The following CDH12 variants were observed in gnomAD, a reference collection of about 807,000 sequenced individuals.
CDH12 encodes the protein cadherin 12.
In CDH12, 41 loss-of-function variants were observed where a neutral mutation model predicts 74.1. The observed-to-expected ratio is 0.55, with a 90% CI of 0.43 to 0.72. The LOEUF (loss-of-function observed/expected upper bound fraction) is 0.72, where lower values mean the gene tolerates loss of function less well. Among genes scored for constraint, CDH12 ranks in the 30% least tolerant of loss-of-function variants. The pLI is 0.00. For synonymous variants in CDH12, 399 were observed against 355.0 expected (o/e 1.12, Z -1.39); for missense variants, 945 against 977.2 (o/e 0.97, Z 0.44).
At chr5:21,908,023 A>G (rs1462330210) in intron 6 of CDH12, among the ~76,000 whole-genome samples, 4 of 152,188 alleles carry the variant, frequency 2.6e-5, no homozygotes, top group Non-Finnish European at 5.9e-5. Context: ...TGACCTGTTG[A>G]GAAAATGGAC....
intron 4 of CDH12, among the ~76,000 whole-genome samples, chr5:22,114,754 T>C (rs1272046082): frequency 6.6e-6 from 1 of 152,214 alleles, no homozygotes; most frequent in Non-Finnish European, 1.5e-5. Flanking sequence ...TTATGTCAGA[T>C]AGTTTCTTCC....
chr5:21,800,262 A>T (rs1561195249), intron 10 of CDH12, among the ~76,000 whole-genome samples: 1 of 152,150 alleles, frequency 6.6e-6, no homozygotes, highest in Non-Finnish European at 1.5e-5. Context: ...TTTAATTAAT[A>T]TTAGAAGAAG....
rs377016972 is a variant in CDH12, at chr5:22,343,323, C to CAGAGAGAGAGAGAGAG, written c.-333+61918_-333+61933dup. On this transcript the variant is annotated intron_variant, in intron 3 of 14. Transcript: ENST00000382254. ...ACACACACACACACAGACACACACA[C>CAGAGAGAGAGAGAGAG]AGAGAGAGAGAGAGAGAGAGAGAGA... 1.3e-3 allele frequency among the ~76,000 whole-genome samples: 173 copies of CAGAGAGAGAGAGAGAG among 136,346 alleles called. 3 individuals are homozygous for CAGAGAGAGAGAGAGAG. Among genetic ancestry groups the CAGAGAGAGAGAGAGAG allele is most frequent in the African/African-American group, 4.8e-3 (165 of 34,496 alleles). The allele number at this position is 136,346 out of a possible 152,430, so 89.4% of individuals were successfully genotyped here.
intron 1 of CDH12, among the ~76,000 whole-genome samples, chr5:22,578,549 A>G (rs1391269126): frequency 6.6e-6 from 1 of 152,180 alleles, no homozygotes; most frequent in African/African-American, 2.4e-5. Context: ...GGCTCAGCAA[A>G]GGGAATCTGA....
chr5:22,681,962 G>T (rs1018005618), intron 1 of CDH12, among the ~76,000 whole-genome samples: 1 of 150,802 alleles, frequency 6.6e-6, no homozygotes, highest in African/African-American at 2.5e-5. Flanking sequence ...CAGTAAAACA[G>T]AAGGAAAAAA....
chr5:22,470,791 T>C (rs1022028307), intron 2 of CDH12, among the ~76,000 whole-genome samples: 22 of 151,950 alleles, frequency 1.4e-4, no homozygotes, highest in Admixed American at 1.1e-3. Flanking sequence ...TATCTATATA[T>C]TAAAGCTTTT....
chr5:22,133,716 G>A (rs1746301252), intron 4 of CDH12, among the ~76,000 whole-genome samples: 1 of 152,004 alleles, frequency 6.6e-6, no homozygotes, highest in African/African-American at 2.4e-5. Flanking sequence ...GGTTAAATTT[G>A]TTTATATTCT....
At chr5:21,785,624 T>C (rs1312162654) in intron 10 of CDH12, among the ~76,000 whole-genome samples, 1 of 152,210 alleles carries the variant, frequency 6.6e-6, no homozygotes, top group African/African-American at 2.4e-5. Flanking sequence ...AGTCACAACA[T>C]TCCTTTAAGC....
intron 11 of CDH12, among the ~76,000 whole-genome samples, chr5:21,775,719 T>A (rs556933367): frequency 6.6e-6 from 1 of 152,184 alleles, no homozygotes; most frequent in East Asian, 1.9e-4. Context: ...GTCTTCAAAG[T>A]AATTTTTTTT....
chr5:22,785,060 AG>A (rs1277829993), intron 1 of CDH12, among the ~76,000 whole-genome samples: 2 of 152,168 alleles, frequency 1.3e-5, no homozygotes, highest in African/African-American at 4.8e-5. Context: ...AACAAATCGA[AG>A]GAAGGAGGTT....
chr5:21,821,091 A>G (rs1035849027), intron 8 of CDH12, among the ~76,000 whole-genome samples: 1 of 151,928 alleles, frequency 6.6e-6, no homozygotes, highest in Non-Finnish European at 1.5e-5. Flanking sequence ...GTTAGTTCCA[A>G]GAGTAGAAAA....
chr5:22,143,965 C>G (rs546471333), intron 4 of CDH12: 2 of 151,944 alleles, frequency 1.3e-5, no homozygotes, highest in African/African-American at 2.4e-5. Context: ...AAAAAAAGAC[C>G]TTTGTCAAGG....
intron 5 of CDH12, among the ~76,000 whole-genome samples, chr5:22,008,480 C>G (rs569242490): frequency 3.9e-5 from 6 of 152,130 alleles, no homozygotes; most frequent in Non-Finnish European, 8.8e-5. Flanking sequence ...CCGCCCACCT[C>G]TGCCTCCCAA....
chr5:21,851,438 T>C (rs1361630516), intron 7 of CDH12, among the ~76,000 whole-genome samples: 1 of 150,556 alleles, frequency 6.6e-6, no homozygotes, highest in Non-Finnish European at 1.5e-5. Context: ...TTTATAAATA[T>C]TTTATAAACA....
chr5:22,657,272 C>G (rs765860165), intron 1 of CDH12, among the ~76,000 whole-genome samples: 1 of 152,010 alleles, frequency 6.6e-6, no homozygotes, highest in Non-Finnish European at 1.5e-5. Context: ...GAAATGGGTA[C>G]GAGGATGCTT....
At chr5:22,198,562 T>C (rs1263578534) in intron 4 of CDH12, among the ~76,000 whole-genome samples, 1 of 152,100 alleles carries the variant, frequency 6.6e-6, no homozygotes, top group African/African-American at 2.4e-5. Context: ...TCTATTTGTA[T>C]AAGTAGTTAT....
intron 3 of CDH12, among the ~76,000 whole-genome samples, chr5:22,269,284 T>C (rs2150399076): frequency 6.6e-6 from 1 of 152,280 alleles, no homozygotes; most frequent in African/African-American, 2.4e-5. Flanking sequence ...GTAATTCAGT[T>C]TCTTCTATTC....
chr5:22,338,586 A>G (rs937019703), intron 3 of CDH12, among the ~76,000 whole-genome samples: 2 of 152,184 alleles, frequency 1.3e-5, no homozygotes, highest in Non-Finnish European at 2.9e-5. Context: ...TTTTTGTAAC[A>G]TGAAGGATAA....
intron 10 of CDH12, among the ~76,000 whole-genome samples, chr5:21,797,275 ACT>A (rs1210822711): frequency 6.6e-6 from 1 of 152,050 alleles, no homozygotes; most frequent in Admixed American, 6.6e-5. Flanking sequence ...TTGCACAATA[ACT>A]CTGTGAAAAG....
Sources: allele counts gnomAD v4.1 joint callset (sites outside exome capture counted in the v4.1 genomes callset), GRCh38; gene constraint gnomAD v4.1.1; transcripts MANE v1.5; gene names NCBI Gene and HGNC (gene_info 2026-07-23, HGNC 2026-07-21).